Variants in CSMD1 observed in about 807,000 individuals in gnomAD.
CSMD1 encodes CUB and Sushi multiple domains 1, also known as CUB and sushi domain-containing protein 1.
In CSMD1, 213 loss-of-function variants were observed where a neutral mutation model predicts 417.5. The ratio of observed to expected loss-of-function variants is 0.51; its 90% confidence interval spans 0.46 to 0.57. The LOEUF (loss-of-function observed/expected upper bound fraction) is 0.57. Ranked by LOEUF, CSMD1 falls within the 20% of genes least tolerant of loss-of-function variation. The probability of loss-of-function intolerance (pLI) is 0.00; values close to 1 mark genes in which losing one functional copy is unlikely to be tolerated. For synonymous variants in CSMD1, 2,862 were observed against 1,736.8 expected, an observed-to-expected ratio of 1.65 and a Z score of -16.11; for missense variants, 6,923 against 4,529.7, an observed-to-expected ratio of 1.53 and a Z score of -15.17.
At chr8:4,092,555 G>C (rs1156949024) in intron 3 of CSMD1, among the ~76,000 whole-genome samples, 1 of 152,116 alleles carries the variant, frequency 6.6e-6, no homozygotes, top group African/African-American at 2.4e-5. Context: ...TTATTTTAAA[G>C]AAATGTGATT....
At chr8:4,950,663 CG>C (rs1585393000) in intron 1 of CSMD1, among the ~76,000 whole-genome samples, 2 of 151,988 alleles carry the variant, frequency 1.3e-5, no homozygotes, top group East Asian at 3.9e-4. Context: ...CAAGGATTTC[CG>C]GAAAAAGAAT....
At chr8:4,909,319 ACCT>A (rs5889071) in intron 1 of CSMD1, among the ~76,000 whole-genome samples, 36,332 of 151,824 alleles carry the variant, frequency 0.24, 5,019 homozygotes, top group East Asian at 0.52. Flanking sequence ...CCAGCAAAAT[ACCT>A]CCTTTTACCT....
chr8:4,537,055 C>T lies in CSMD1; in HGVS notation c.302+100287G>A, dbSNP rs191411286. 2.3e-3 allele frequency among the ~76,000 whole-genome samples: 345 copies of T among 152,230 alleles called. 3 individuals carry two copies. Among genetic ancestry groups the T allele is most frequent in the African/African-American group, 8.1e-3 (335 of 41,544 alleles). ...ATCAATAGTGGGTTATTTAAACCTG[C>T]TTAGACAATCAAAGACAGAAAATTC... On this transcript the variant is annotated intron_variant, in intron 2 of 69. Coordinates refer to ENST00000635120, the MANE Select transcript of CSMD1 (RefSeq NM_033225.6).
rs1220549702 is a variant in CSMD1 at position 4,258,141 on chromosome 8, C to T, written c.415+161812G>A. The stretch of plus-strand genomic sequence containing the variant: ...TCTATTTTTAGTAGAGATGAGGTCT[C>T]ACCATGTTGTTCAGGCTGGTCTCAA... On this transcript the variant is annotated intron_variant, in intron 3 of 69. Transcript: ENST00000635120. Among the ~76,000 whole-genome samples, 3 of 150,792 alleles carry T rather than the reference C, an allele frequency of 2.0e-5. No homozygotes were observed. In the East Asian group the frequency reaches 6.1e-4, roughly 31 times the overall value.
chr8:4,701,440 T>C (rs889899160), intron 1 of CSMD1, among the ~76,000 whole-genome samples: 3 of 151,246 alleles, frequency 2.0e-5, no homozygotes, highest in African/African-American at 4.9e-5. Flanking sequence ...AGCTGGAGAG[T>C]CTGATGGGGA....
At chr8:4,050,578 T>G (rs1176893229) in intron 3 of CSMD1, among the ~76,000 whole-genome samples, 1 of 152,092 alleles carries the variant, frequency 6.6e-6, no homozygotes, top group African/African-American at 2.4e-5. Flanking sequence ...TCATACTACT[T>G]TATTTCAAAA....
intron 49 of CSMD1, among the ~76,000 whole-genome samples, chr8:3,080,866 C>T (rs1291035653): frequency 6.6e-6 from 1 of 152,120 alleles, no homozygotes; most frequent in Non-Finnish European, 1.5e-5. Flanking sequence ...ATGGCCCTCA[C>T]AATGTATCCT....
intron 3 of CSMD1, among the ~76,000 whole-genome samples, chr8:4,328,732 G>T (rs1799698072): frequency 6.6e-6 from 1 of 152,040 alleles, no homozygotes; most frequent in Admixed American, 6.6e-5. Context: ...TTTCTTTACT[G>T]TTCTTGTTTT....
chr8:3,604,018 A>C (rs1008021753), intron 8 of CSMD1, among the ~76,000 whole-genome samples: 3 of 152,218 alleles, frequency 2.0e-5, no homozygotes, highest in Non-Finnish European at 4.4e-5. Flanking sequence ...GTTGCCTTAC[A>C]ACCTGTAAAT....
At chr8:3,610,847 C>T (rs1801856920) in intron 8 of CSMD1, among the ~76,000 whole-genome samples, 1 of 151,994 alleles carries the variant, frequency 6.6e-6, no homozygotes, top group Non-Finnish European at 1.5e-5. Flanking sequence ...TTACAATACT[C>T]TAAGGTGTTA....
At chr8:4,904,932 G>A (rs1191973662) in intron 1 of CSMD1, among the ~76,000 whole-genome samples, 1 of 152,106 alleles carries the variant, frequency 6.6e-6, no homozygotes, top group Non-Finnish European at 1.5e-5. Context: ...ATACTGTCCA[G>A]GGCCTCTTTG....
At chr8:4,000,892 A>T (rs1200765717) in intron 4 of CSMD1, among the ~76,000 whole-genome samples, 3 of 152,130 alleles carry the variant, frequency 2.0e-5, no homozygotes, top group Non-Finnish European at 1.5e-5. Context: ...GATGTGTGGA[A>T]TTAAAAGAAA....
chr8:4,260,137 G>C (rs1211801173), intron 3 of CSMD1, among the ~76,000 whole-genome samples: 1 of 152,020 alleles, frequency 6.6e-6, no homozygotes, highest in African/African-American at 2.4e-5. Flanking sequence ...CAATGCACCT[G>C]ATCTACAGTG....
rs186299778 is a variant in CSMD1, at chr8:4,802,334, A to G, written c.86-164776T>C. Reference sequence around the variant, plus strand: ...ACTGGTCCTCCAACTAGGAACAAGCAAAATGAGTGTGTGCGCGCGTGTGTG... The same window carrying G: ...ACTGGTCCTCCAACTAGGAACAAGCGAAATGAGTGTGTGCGCGCGTGTGTG... On this transcript the variant is annotated intron_variant, in intron 1 of 69. Transcript: ENST00000635120. Among the ~76,000 whole-genome samples, 37 of 148,462 alleles carry G rather than the reference A, an allele frequency of 2.5e-4. 1 individual carries two copies. The East Asian group carries it at 6.6e-3, about 26-fold the overall frequency.
rs553217383 is a variant in CSMD1, at chr8:2,960,473, G to A, written c.9702+668C>T. On this transcript the variant is annotated intron_variant, in intron 62 of 69. Coordinates refer to ENST00000635120, the MANE Select transcript of CSMD1 (RefSeq NM_033225.6). The stretch of plus-strand genomic sequence containing the variant: ...TTCAAAGTCATCCAACCAGATAACA[G>A]TGAAGTTATGGGAGTACTTAAGATG... Among the ~76,000 whole-genome samples, 4 of 152,332 alleles carry A rather than the reference G, an allele frequency of 2.6e-5. No individual in the cohort carries two copies. The South Asian group carries it at 8.3e-4, about 32-fold the overall frequency.
intron 3 of CSMD1, among the ~76,000 whole-genome samples, chr8:4,175,105 C>T (rs1797971056): frequency 1.3e-5 from 2 of 151,834 alleles, no homozygotes; most frequent in Admixed American, 6.6e-5. Context: ...CAAATTTCTG[C>T]CAAGAATAAT....
At chr8:4,260,559 G>A (rs12677270) in intron 3 of CSMD1, among the ~76,000 whole-genome samples, 2 of 152,022 alleles carry the variant, frequency 1.3e-5, no homozygotes, top group Non-Finnish European at 2.9e-5. Context: ...GGATTTTATT[G>A]ACTCCTGGAG....
At chr8:3,998,808 G>T (rs898299043) in intron 4 of CSMD1, among the ~76,000 whole-genome samples, 6 of 150,858 alleles carry the variant, frequency 4.0e-5, no homozygotes, top group Admixed American at 3.3e-4. Flanking sequence ...GAGTAAAAAA[G>T]CTTCTTTGTT....
At chr8:3,711,187 T>G (rs1199339479) in intron 6 of CSMD1, among the ~76,000 whole-genome samples, 1 of 152,060 alleles carries the variant, frequency 6.6e-6, no homozygotes, top group Non-Finnish European at 1.5e-5. Flanking sequence ...CATACAAACT[T>G]TGAGGAGCTT....
Sources: allele counts gnomAD v4.1 joint callset (sites outside exome capture counted in the v4.1 genomes callset), GRCh38; gene constraint gnomAD v4.1.1; transcripts MANE v1.5; gene names NCBI Gene and HGNC (gene_info 2026-07-23, HGNC 2026-07-21).